Variants in NT5DC3 observed in about 807,000 individuals in gnomAD.
NT5DC3 encodes the protein 5'-nucleotidase domain-containing protein 3.
NT5DC3 carries 42 observed loss-of-function variants against 67.8 expected under a neutral mutation model. The observed-to-expected ratio is 0.62, with a 90% confidence interval of 0.48 to 0.80. NT5DC3 has a LOEUF of 0.80. NT5DC3 is among the 30% of genes least tolerant of loss of function. NT5DC3 has a pLI of 0.00. For missense variants in NT5DC3, 570 were observed against 696.4 expected (o/e 0.82, Z 2.04); for synonymous variants, 237 against 255.6 (o/e 0.93, Z 0.69).
chr12:103,795,417 T>A (rs1886268038), intron 6 of NT5DC3, among the ~76,000 whole-genome samples: 1 of 152,032 alleles, frequency 6.6e-6, no homozygotes, highest in Non-Finnish European at 1.5e-5. Flanking sequence ...CAAATCAACA[T>A]CTCGCCTTAT....
At chr12:103,763,510 G>A in the NT5DC3 span, 1 of 1,614,102 alleles carries the variant, frequency 6.2e-7, no homozygotes, top group Non-Finnish European at 8.5e-7. Context: ...GGACATTAAT[G>A]TTGCAGCTCT....
the NT5DC3 span, chr12:103,758,401 A>C: frequency 1.1e-4 from 161 of 1,523,396 alleles, no homozygotes; most frequent in Non-Finnish European, 1.3e-4. Context: ...TATTTAGCTC[A>C]CAGATCATCT....
chr12:103,791,031 GC>G (rs1456643207), intron 9 of NT5DC3, among the ~76,000 whole-genome samples: 1 of 152,046 alleles, frequency 6.6e-6, no homozygotes, highest in Non-Finnish European at 1.5e-5. Flanking sequence ...CCCTCACATG[GC>G]TATTCCAAAT....
intron 1 of NT5DC3, among the ~76,000 whole-genome samples, chr12:103,826,580 A>G (rs1287749818): frequency 6.6e-6 from 1 of 152,252 alleles, no homozygotes; most frequent in Non-Finnish European, 1.5e-5. Flanking sequence ...CTCCAGAAAG[A>G]AATGCAGTCC....
intron 2 of NT5DC3, among the ~76,000 whole-genome samples, chr12:103,808,652 G>A (rs1886902276): frequency 6.6e-6 from 1 of 152,144 alleles, no homozygotes; most frequent in Non-Finnish European, 1.5e-5. Flanking sequence ...CCATTCATGG[G>A]CGTTTCCAAG....
At chr12:103,795,894 CAT>C (rs1886291357) in intron 6 of NT5DC3, among the ~76,000 whole-genome samples, 1 of 152,166 alleles carries the variant, frequency 6.6e-6, no homozygotes, top group Non-Finnish European at 1.5e-5. Flanking sequence ...TGTGAAACGA[CAT>C]AAAGCAAAAT....
At chr12:103,768,087 CAAAAAAA>C (rs34935949), downstream of NT5DC3, among the ~76,000 whole-genome samples, 11 of 87,204 alleles carry the variant, frequency 1.3e-4, no homozygotes, top group South Asian at 9.1e-4. Context: ...GACTCCTTCT[CAAAAAAA>C]AAAAAAAAAA....
rs1448841097 is a variant in NT5DC3 at position 103,777,084 on chromosome 12, G to A, written c.*745C>T. 1 of 152,252 alleles carries A rather than the reference G, an allele frequency of 6.6e-6. No individual in the cohort carries two copies. The highest frequency in any genetic ancestry group is 1.5e-5 in the Non-Finnish European group (1 of 68,068). 9.4% of individuals were successfully genotyped at this position (152,252 alleles called of 1,614,324 possible). ...TCTTCAAACCCACTCGTTTCTTGCA[G>A]AAGGCTCTACAGAAGGCTGTTCCAC... On this transcript the variant is annotated 3_prime_UTR_variant, in exon 14 of 14. Coordinates refer to ENST00000392876, the MANE Select transcript of NT5DC3 (RefSeq NM_001031701.3).
rs1484606938 is a variant in NT5DC3 at position 103,788,852 on chromosome 12, G to A, written c.1087C>T (p.Gln363Ter). 1 of 1,610,914 alleles carries A rather than the reference G, an allele frequency of 6.2e-7. No individual in the cohort carries two copies. Residue 363 changes from glutamine to a stop codon, truncating the protein, a stop_gained, in exon 10 of 14, where the codon CAG becomes TAG. Transcript: ENST00000392876. LOFTEE classifies it high-confidence loss of function. Reference sequence around the variant, plus strand: ...TCATGAGATACCTGCTTGTATATCTGGCCTTTCTGCAACTTATGGATTTTA... The same window carrying A: ...TCATGAGATACCTGCTTGTATATCTAGCCTTTCTGCAACTTATGGATTTTA... ...WDKIHKLQKG[Q>*]IYKQGNLYEF...
intron 10 of NT5DC3, among the ~76,000 whole-genome samples, chr12:103,788,579 T>C (rs1885897335): frequency 6.6e-6 from 1 of 152,214 alleles, no homozygotes; most frequent in South Asian, 2.1e-4. Context: ...ACTACTGGCA[T>C]CTTATATGTT....
At chr12:103,797,784 G>A (rs1416249761) in intron 5 of NT5DC3, among the ~76,000 whole-genome samples, 2 of 152,284 alleles carry the variant, frequency 1.3e-5, no homozygotes, top group African/African-American at 2.4e-5. Context: ...GAATACTTGC[G>A]ATTTACACTA....
At chr12:103,840,377 G>GCTCCT in intron 1 of NT5DC3, among the ~76,000 whole-genome samples, 1 of 115,420 alleles carries the variant, frequency 8.7e-6, no homozygotes, top group East Asian at 2.8e-4. Flanking sequence ...ACACCGCACA[G>GCTCCT]CTCATCTCAT....
chr12:103,757,035 T>TGTAA, the NT5DC3 span, among the ~76,000 whole-genome samples: 1 of 138,540 alleles, frequency 7.2e-6, no homozygotes, highest in Non-Finnish European at 1.6e-5. Context: ...ATATATAAAA[T>TGTAA]ATATATATTA....
Position 103,796,942 on chromosome 12 carries a change from G to C in NT5DC3, c.705C>G (p.Leu235=). The change falls in exon 6 of 14, where the codon CTC becomes CTG. Residue 235 remains leucine, a synonymous_variant. Transcript: ENST00000392876. ...CAGGCTCATAGTCGATGTTGTTCTT[G>C]AGGAAGTATTCATTCACGCAGGACA... ...TLLSCVNEYF[L]KNNIDYEPVH... is the part of the protein sequence containing the mutation. 6.2e-7 allele frequency: 1 copy of C among 1,614,156 alleles called. No homozygotes were observed. The highest frequency in any genetic ancestry group is 8.5e-7 in the Non-Finnish European group (1 of 1,180,004).
the NT5DC3 span, among the ~76,000 whole-genome samples, chr12:103,757,033 A>AGT: frequency 7.0e-6 from 1 of 143,156 alleles, no homozygotes; most frequent in Non-Finnish European, 1.5e-5. Context: ...ATATATATAA[A>AGT]ATATATATAT....
intron 1 of NT5DC3, among the ~76,000 whole-genome samples, chr12:103,815,584 A>T (rs1353190591): frequency 6.6e-6 from 1 of 151,670 alleles, no homozygotes; most frequent in African/African-American, 2.4e-5. Flanking sequence ...ATCACACCCT[A>T]CTAATTTTTG....
chr12:103,794,727 A>T (rs1249391478), intron 6 of NT5DC3, among the ~76,000 whole-genome samples: 1 of 152,248 alleles, frequency 6.6e-6, no homozygotes, highest in African/African-American at 2.4e-5. Flanking sequence ...AATGAGAGGC[A>T]GAGACAAATA....
chr12:103,831,647 G>A (rs1025904111), intron 1 of NT5DC3, among the ~76,000 whole-genome samples: 5 of 151,718 alleles, frequency 3.3e-5, no homozygotes, highest in African/African-American at 1.2e-4. Context: ...GTCTCCAACA[G>A]TGTGTGTGTG....
chr12:103,790,076 TAC>T (rs756641232), intron 9 of NT5DC3, among the ~76,000 whole-genome samples: 5 of 152,162 alleles, frequency 3.3e-5, no homozygotes, highest in African/African-American at 4.8e-5. Flanking sequence ...TTTACAGTAA[TAC>T]AACATCATCT....
Sources: allele counts gnomAD v4.1 joint callset (sites outside exome capture counted in the v4.1 genomes callset), GRCh38; gene constraint gnomAD v4.1.1; transcripts MANE v1.5; gene names NCBI Gene and HGNC (gene_info 2026-07-23, HGNC 2026-07-21).